Variants in PRKCA observed in about 807,000 individuals in gnomAD.
PRKCA encodes the protein protein kinase C alpha, also known as protein kinase C alpha type.
PRKCA carries 27 observed loss-of-function variants against 87.0 expected under a neutral mutation model. The observed-to-expected ratio is 0.31, with a 90% CI of 0.23 to 0.43. PRKCA has a LOEUF of 0.43. Among genes scored for constraint, PRKCA ranks in the 20% least tolerant of loss-of-function variants. The pLI, the probability that PRKCA is intolerant of heterozygous loss-of-function variation, is 1.00. For missense variants in PRKCA, 518 were observed against 852.3 expected, an observed-to-expected ratio of 0.61 and a Z score of 4.88; for synonymous variants, 329 against 311.1, an observed-to-expected ratio of 1.06 and a Z score of -0.61.
rs544165122 is a variant in PRKCA, at chr17:66,491,635, C to T, written c.206-4566C>T. On this transcript the variant is annotated intron_variant, in intron 2 of 16. Transcript: ENST00000413366. Reference sequence around the variant, plus strand: ...CCCCAAATTAAAAAAAGACAAAAAACAATAGCTCCTGATTTTTAGCCAGGG... The same window carrying T: ...CCCCAAATTAAAAAAAGACAAAAAATAATAGCTCCTGATTTTTAGCCAGGG... 2.0e-5 allele frequency among the ~76,000 whole-genome samples: 3 copies of T among 152,266 alleles called. No homozygotes were observed. The South Asian group carries it at 6.2e-4, about 32-fold the overall frequency.
At chr17:66,779,997 C>T (rs2144355048) in intron 14 of PRKCA, among the ~76,000 whole-genome samples, 1 of 152,312 alleles carries the variant, frequency 6.6e-6, no homozygotes, top group East Asian at 1.9e-4. Flanking sequence ...TAACTTTTCA[C>T]CGTTCCCTTG....
intron 2 of PRKCA, among the ~76,000 whole-genome samples, chr17:66,406,380 A>G (rs1311174557): frequency 2.0e-5 from 3 of 152,220 alleles, no homozygotes; most frequent in Non-Finnish European, 2.9e-5. Flanking sequence ...CCCATTGTAC[A>G]GATGCTGACA....
chr17:66,676,248 G>C (rs1972326681), intron 5 of PRKCA: 1 of 152,446 alleles, frequency 6.6e-6, no homozygotes, highest in African/African-American at 2.4e-5. Context: ...GTGAGCCAGA[G>C]GAAACTTGAG....
intron 2 of PRKCA, among the ~76,000 whole-genome samples, chr17:66,329,130 C>G (rs544823235): frequency 2.0e-3 from 306 of 152,192 alleles, no homozygotes; most frequent in Non-Finnish European, 3.8e-3. Context: ...GTTCCAGAAA[C>G]CAGAGATGTG....
intron 2 of PRKCA, among the ~76,000 whole-genome samples, chr17:66,330,104 ATTTTT>A (rs5821530): frequency 7.1e-6 from 1 of 140,148 alleles, no homozygotes; most frequent in Admixed American, 7.2e-5. Flanking sequence ...ATTTTCCTGG[ATTTTT>A]TTTTTTTTTT....
chr17:66,526,022 G>C (rs1876611978), intron 3 of PRKCA, among the ~76,000 whole-genome samples: 1 of 152,014 alleles, frequency 6.6e-6, no homozygotes, highest in South Asian at 2.1e-4. Flanking sequence ...TTAAAGAAAT[G>C]GTCTAAAAGA....
chr17:66,747,209 A>T (rs1215687707), intron 13 of PRKCA, among the ~76,000 whole-genome samples: 2 of 152,138 alleles, frequency 1.3e-5, no homozygotes, highest in African/African-American at 4.8e-5. Context: ...AACTGGGACT[A>T]CAGGCATGTG....
chr17:66,768,915 T>G (rs1288713282), intron 13 of PRKCA, among the ~76,000 whole-genome samples: 1 of 152,222 alleles, frequency 6.6e-6, no homozygotes, highest in Non-Finnish European at 1.5e-5. Flanking sequence ...ATGGATTTTT[T>G]TCCTTTGCTT....
At chr17:66,332,657 A>G (rs1906408314) in intron 2 of PRKCA, among the ~76,000 whole-genome samples, 1 of 151,162 alleles carries the variant, frequency 6.6e-6, no homozygotes, top group Non-Finnish European at 1.5e-5. Flanking sequence ...ACCATTTTCT[A>G]TGAAGTCTAA....
chr17:66,562,550 T>C (rs1021293589), intron 3 of PRKCA, among the ~76,000 whole-genome samples: 1 of 151,992 alleles, frequency 6.6e-6, no homozygotes, highest in African/African-American at 2.4e-5. Context: ...GGTTATCTGA[T>C]ATTCCAGTGT....
At chr17:66,462,336 G>A (rs1166831877) in intron 2 of PRKCA, among the ~76,000 whole-genome samples, 2 of 152,174 alleles carry the variant, frequency 1.3e-5, no homozygotes, top group Non-Finnish European at 2.9e-5. Flanking sequence ...CCAGACAGCA[G>A]CCAGTGGGCC....
chr17:66,476,246 C>G (rs1018650894), intron 2 of PRKCA, among the ~76,000 whole-genome samples: 3 of 152,162 alleles, frequency 2.0e-5, no homozygotes, highest in Non-Finnish European at 4.4e-5. Flanking sequence ...TTTCTGCTAC[C>G]TTTTCTACCT....
chr17:66,690,457 C>T (rs1016191521), intron 8 of PRKCA, among the ~76,000 whole-genome samples: 1 of 152,186 alleles, frequency 6.6e-6, no homozygotes, highest in African/African-American at 2.4e-5. Flanking sequence ...CCGGATCTTC[C>T]TTCTTCCAGA....
chr17:66,530,896 G>A (rs1967512212), intron 3 of PRKCA, among the ~76,000 whole-genome samples: 1 of 152,054 alleles, frequency 6.6e-6, no homozygotes. Context: ...CTTGCCCCTG[G>A]TATGGATTAA....
In PRKCA at chr17:66,497,529, G is replaced by A. The variant is rs1235823563; in HGVS notation, c.288+1246G>A. On this transcript the variant is annotated intron_variant, in intron 3 of 16. Coordinates refer to ENST00000413366, the MANE Select transcript of PRKCA (RefSeq NM_002737.3). ...AAAAAAGGATCCACAAAGGAGTCACGGAAAATACCAATGTCTAAAATATGT... is the reference window on the plus strand; with the variant it reads ...AAAAAAGGATCCACAAAGGAGTCACAGAAAATACCAATGTCTAAAATATGT... Among the ~76,000 whole-genome samples, 8 of 151,012 alleles carry A rather than the reference G, an allele frequency of 5.3e-5. No homozygotes were observed. The East Asian group carries it at 7.7e-4, about 15-fold the overall frequency.
chr17:66,399,100 C>CTTTTCGTTTCT (rs1555598364), intron 2 of PRKCA, among the ~76,000 whole-genome samples: 1 of 117,292 alleles, frequency 8.5e-6, no homozygotes, highest in Non-Finnish European at 1.8e-5. Context: ...CTTTTCTTTT[C>CTTTTCGTTTCT]TTTTTTTTTT....
chr17:66,797,932 C>G (rs1398379276), intron 16 of PRKCA, among the ~76,000 whole-genome samples: 1 of 152,234 alleles, frequency 6.6e-6, no homozygotes, highest in Non-Finnish European at 1.5e-5. Flanking sequence ...GTTTTGCTCA[C>G]AAGGTATAAA....
chr17:66,631,810 C>T (rs776340506), intron 3 of PRKCA, among the ~76,000 whole-genome samples: 23 of 151,882 alleles, frequency 1.5e-4, no homozygotes, highest in Non-Finnish European at 2.6e-4. Flanking sequence ...ACATGTACCC[C>T]GTAAATATAT....
intron 2 of PRKCA, among the ~76,000 whole-genome samples, chr17:66,413,419 C>T (rs182877326): frequency 4.7e-4 from 71 of 152,230 alleles, no homozygotes; most frequent in Middle Eastern, 3.4e-3. Context: ...GTTATGTAGA[C>T]ATGATTGATT....
Sources: allele counts gnomAD v4.1 joint callset (sites outside exome capture counted in the v4.1 genomes callset), GRCh38; gene constraint gnomAD v4.1.1; transcripts MANE v1.5; gene names NCBI Gene and HGNC (gene_info 2026-07-23, HGNC 2026-07-21).